Variants in LYPD6B observed in about 807,000 individuals in gnomAD.
LYPD6B encodes the protein ly6/PLAUR domain-containing protein 6B.
LYPD6B carries 17 observed loss-of-function variants against 22.8 expected under a neutral mutation model. The observed-to-expected ratio is 0.75, with a 90% CI of 0.51 to 1.12. The LOEUF (loss-of-function observed/expected upper bound fraction) is 1.12, where lower values mean the gene tolerates loss of function less well. Among genes scored for constraint, LYPD6B ranks in the 50% most tolerant of loss-of-function variants. The probability of loss-of-function intolerance (pLI) is 0.00; values close to 1 mark genes in which losing one functional copy is unlikely to be tolerated. For missense variants in LYPD6B, 221 were observed against 258.3 expected (o/e 0.86, Z 0.99); for synonymous variants, 106 against 91.6 (o/e 1.16, Z -0.90).
chr2:149,209,526 A>T lies in LYPD6B; in HGVS notation c.328+1114A>T, dbSNP rs373002567. 9.5e-4 allele frequency among the ~76,000 whole-genome samples: 144 copies of T among 152,166 alleles called. 1 individual carries two copies. Among genetic ancestry groups the T allele is most frequent in the African/African-American group, 3.4e-3 (140 of 41,518 alleles). On this transcript the variant is annotated intron_variant, in intron 5 of 6. Transcript: ENST00000409642. ...AGATATAAGAGGCCAAGAAAAAAAA[A>T]CTCTTACAGAATTAGAGATAACTAG...
At chr2:149,183,744 T>G (rs1262251869) in intron 3 of LYPD6B, among the ~76,000 whole-genome samples, 1 of 152,144 alleles carries the variant, frequency 6.6e-6, no homozygotes, top group Non-Finnish European at 1.5e-5. Flanking sequence ...CTTACTTAAA[T>G]TTTTATTTCT....
At chr2:149,059,930 G>A (rs974662298) in intron 1 of LYPD6B, among the ~76,000 whole-genome samples, 2 of 152,176 alleles carry the variant, frequency 1.3e-5, no homozygotes, top group African/African-American at 4.8e-5. Flanking sequence ...TCAGGCAGGA[G>A]TGGCTGGTGC....
chr2:149,089,758 T>G (rs1342435006), intron 1 of LYPD6B, among the ~76,000 whole-genome samples: 1 of 152,246 alleles, frequency 6.6e-6, no homozygotes, highest in Non-Finnish European at 1.5e-5. Flanking sequence ...TGCAGTCTTG[T>G]TCATCCTGTA....
intron 2 of LYPD6B, among the ~76,000 whole-genome samples, chr2:149,156,780 G>T (rs999010769): frequency 6.6e-6 from 1 of 152,110 alleles, no homozygotes; most frequent in Non-Finnish European, 1.5e-5. Context: ...AATCTGGTGT[G>T]GTGTGGTTGG....
chr2:149,170,520 G>A (rs1690745473), intron 3 of LYPD6B, among the ~76,000 whole-genome samples: 1 of 152,122 alleles, frequency 6.6e-6, no homozygotes, highest in African/African-American at 2.4e-5. Context: ...TGGATGTATG[G>A]GTAGTTATAG....
intron 1 of LYPD6B, among the ~76,000 whole-genome samples, chr2:149,083,078 GCTGAATAAAGTACC>G (rs1685210547): frequency 6.6e-6 from 1 of 152,264 alleles, no homozygotes; most frequent in Non-Finnish European, 1.5e-5. Flanking sequence ...GTCTGGAGAG[GCTGAATAAAGTACC>G]CTTGAATGGG....
At chr2:149,140,738 T>G (rs1340910034) in intron 2 of LYPD6B, among the ~76,000 whole-genome samples, 3 of 152,248 alleles carry the variant, frequency 2.0e-5, no homozygotes, top group African/African-American at 4.8e-5. Context: ...AATAAATGCC[T>G]GGTGAATTTC....
intron 3 of LYPD6B, chr2:149,187,751 C>CA (rs1211932685): frequency 1.2e-5 from 5 of 417,686 alleles, no homozygotes; most frequent in Non-Finnish European, 2.1e-5. Flanking sequence ...AAAAGAAGTG[C>CA]AAAAGAAAAT....
At chr2:149,041,098 CAAAAAA>C (rs552623435) in intron 1 of LYPD6B, among the ~76,000 whole-genome samples, 1 of 110,792 alleles carries the variant, frequency 9.0e-6, no homozygotes. Flanking sequence ...GACTCCGTCT[CAAAAAA>C]AAAAAAAAAA....
chr2:149,046,780 A>G (rs1195197502), intron 1 of LYPD6B, among the ~76,000 whole-genome samples: 2 of 152,108 alleles, frequency 1.3e-5, no homozygotes, highest in Non-Finnish European at 2.9e-5. Context: ...CAGTATATTT[A>G]CAGTACTTCT....
intron 2 of LYPD6B, among the ~76,000 whole-genome samples, chr2:149,158,009 T>A (rs1689815595): frequency 6.6e-6 from 1 of 152,154 alleles, no homozygotes. Context: ...GATATTGTAG[T>A]CTCGCTTCAG....
At chr2:149,163,779 C>G (rs1233495185) in intron 3 of LYPD6B, among the ~76,000 whole-genome samples, 1 of 152,108 alleles carries the variant, frequency 6.6e-6, no homozygotes, top group East Asian at 1.9e-4. Flanking sequence ...TAATCATTCT[C>G]TTGTTTTGGG....
intron 1 of LYPD6B, among the ~76,000 whole-genome samples, chr2:149,103,886 C>G (rs749942873): frequency 6.8e-6 from 1 of 147,336 alleles, no homozygotes. Flanking sequence ...AAGCAATTCT[C>G]CTGCCTCAGC....
intron 1 of LYPD6B, among the ~76,000 whole-genome samples, chr2:149,057,184 C>T (rs1440922281): frequency 6.6e-6 from 1 of 151,840 alleles, no homozygotes; most frequent in African/African-American, 2.4e-5. Flanking sequence ...AAAAGAAACT[C>T]TTTATTCTAG....
At chr2:149,113,203 G>GACAC (rs55680628) in intron 1 of LYPD6B, among the ~76,000 whole-genome samples, 2 of 151,700 alleles carry the variant, frequency 1.3e-5, no homozygotes, top group African/African-American at 2.4e-5. Flanking sequence ...GGCTTGTAAA[G>GACAC]TCTTAGTTTT....
intron 1 of LYPD6B, among the ~76,000 whole-genome samples, chr2:149,068,269 T>C (rs897673635): frequency 6.6e-6 from 1 of 152,068 alleles, no homozygotes; most frequent in Admixed American, 6.6e-5. Flanking sequence ...GAATGTATTA[T>C]GTTAAATGAA....
intron 1 of LYPD6B, among the ~76,000 whole-genome samples, chr2:149,082,278 G>T (rs1382565393): frequency 6.6e-6 from 1 of 152,206 alleles, no homozygotes; most frequent in Non-Finnish European, 1.5e-5. Context: ...TGGCCGATTA[G>T]GGAGGCCCTG....
chr2:149,175,718 A>T (rs1230769282), intron 3 of LYPD6B, among the ~76,000 whole-genome samples: 2 of 141,158 alleles, frequency 1.4e-5, no homozygotes, highest in Admixed American at 7.0e-5. Flanking sequence ...TTAATTTTTA[A>T]TTTTTTTTTT....
intron 2 of LYPD6B, among the ~76,000 whole-genome samples, chr2:149,150,753 G>A (rs1389496110): frequency 6.6e-6 from 1 of 151,864 alleles, no homozygotes; most frequent in East Asian, 1.9e-4. Context: ...ATATTTATTT[G>A]ATTATTTCTT....
Sources: gnomAD v4.1 joint callset for allele counts (sites outside exome capture counted in the v4.1 genomes callset) on GRCh38, gnomAD v4.1.1 for gene constraint, MANE v1.5 for transcripts, NCBI Gene and HGNC (gene_info 2026-07-23, HGNC 2026-07-21) for gene names.